SLC25A21: variants seen among roughly 807,000 people sequenced by gnomAD.
SLC25A21 encodes the protein solute carrier family 25 member 21.
In SLC25A21, 47 loss-of-function variants were observed where a neutral mutation model predicts 43.8. That is an observed-to-expected ratio of 1.07 (90% CI 0.85 to 1.37). SLC25A21 has a LOEUF of 1.37. SLC25A21 is among the 40% of genes most tolerant of loss of function. The probability of loss-of-function intolerance (pLI) is 0.00; values close to 1 mark genes in which losing one functional copy is unlikely to be tolerated. For synonymous variants in SLC25A21, 131 were observed against 121.3 expected (o/e 1.08, Z -0.52); for missense variants, 352 against 350.2 (o/e 1.00, Z -0.04).
At chr14:37,112,528 C>A (rs548536808) in intron 1 of SLC25A21, among the ~76,000 whole-genome samples, 1 of 152,310 alleles carries the variant, frequency 6.6e-6, no homozygotes, top group South Asian at 2.1e-4. Flanking sequence ...TTACTTCTTA[C>A]TTTTAGCTGG....
At chr14:37,101,165 C>T (rs142313455) in intron 1 of SLC25A21, among the ~76,000 whole-genome samples, 18 of 152,318 alleles carry the variant, frequency 1.2e-4, no homozygotes, top group African/African-American at 4.3e-4. Context: ...ATACAAAACA[C>T]AATTATTAGT....
intron 7 of SLC25A21, 44 bp from the exon 8 acceptor site, chr14:36,684,969 C>T (rs1336969142): frequency 1.3e-6 from 2 of 1,531,794 alleles, no homozygotes; most frequent in Non-Finnish European, 1.8e-6. Flanking sequence ...GGAGCGGAAG[C>T]CCCTAAATCA....
chr14:36,907,363 T>C (rs2138606746), intron 1 of SLC25A21, among the ~76,000 whole-genome samples: 1 of 152,288 alleles, frequency 6.6e-6, no homozygotes, highest in Non-Finnish European at 1.5e-5. Flanking sequence ...GTTGGTTGGT[T>C]GGTTTTGTTT....
intron 1 of SLC25A21, among the ~76,000 whole-genome samples, chr14:36,921,744 A>G (rs1042667449): frequency 1.3e-5 from 2 of 152,186 alleles, no homozygotes; most frequent in Non-Finnish European, 2.9e-5. Context: ...CTGGGATGTT[A>G]GTTTACACAA....
At chr14:37,000,619 C>G (rs543230456) in intron 1 of SLC25A21, among the ~76,000 whole-genome samples, 1 of 152,236 alleles carries the variant, frequency 6.6e-6, no homozygotes, top group Admixed American at 6.6e-5. Flanking sequence ...GAGAGATCTT[C>G]TGATGTGGTT....
intron 1 of SLC25A21, among the ~76,000 whole-genome samples, chr14:36,979,690 C>T (rs1959975247): frequency 6.6e-6 from 1 of 152,098 alleles, no homozygotes; most frequent in African/African-American, 2.4e-5. Context: ...CTTACACTGT[C>T]TAAATATAAA....
intron 1 of SLC25A21, among the ~76,000 whole-genome samples, chr14:36,989,274 G>C (rs1475438692): frequency 6.6e-6 from 1 of 152,096 alleles, no homozygotes; most frequent in Non-Finnish European, 1.5e-5. Context: ...AATGATCCAG[G>C]TGTAGATGAT....
chr14:36,987,895 G>T (rs1336431428), intron 1 of SLC25A21, among the ~76,000 whole-genome samples: 1 of 152,136 alleles, frequency 6.6e-6, no homozygotes, highest in East Asian at 1.9e-4. Context: ...CCTTACCATG[G>T]TTCTTTCATA....
At chr14:36,882,023 T>G (rs1890744495) in intron 1 of SLC25A21, among the ~76,000 whole-genome samples, 1 of 152,236 alleles carries the variant, frequency 6.6e-6, no homozygotes, top group African/African-American at 2.4e-5. Context: ...GTCAGTTGAC[T>G]GCTCCTTTCT....
chr14:36,906,324 C>A (rs1891532341), intron 1 of SLC25A21, among the ~76,000 whole-genome samples: 1 of 151,852 alleles, frequency 6.6e-6, no homozygotes, highest in South Asian at 2.1e-4. Context: ...AAATTTCCCC[C>A]AAATCAGAGA....
At chr14:36,902,995 A>T (rs756554247) in intron 1 of SLC25A21, among the ~76,000 whole-genome samples, 11 of 152,142 alleles carry the variant, frequency 7.2e-5, no homozygotes, top group Non-Finnish European at 1.3e-4. Flanking sequence ...AACAACAACA[A>T]CAACAAACCT....
chr14:36,819,452 C>T (rs1888556633), intron 2 of SLC25A21, among the ~76,000 whole-genome samples: 1 of 151,984 alleles, frequency 6.6e-6, no homozygotes, highest in Non-Finnish European at 1.5e-5. Flanking sequence ...ATTGTGTGCT[C>T]AGTGATATTC....
intron 3 of SLC25A21, among the ~76,000 whole-genome samples, chr14:36,791,021 T>G (rs973684996): frequency 2.0e-5 from 3 of 152,286 alleles, no homozygotes; most frequent in Non-Finnish European, 2.9e-5. Context: ...AGCAAGAAAT[T>G]TGTGAACATA....
intron 1 of SLC25A21, among the ~76,000 whole-genome samples, chr14:37,103,311 C>T (rs1183165269): frequency 6.6e-6 from 1 of 152,152 alleles, no homozygotes; most frequent in Admixed American, 6.5e-5. Context: ...GTTTCTGATG[C>T]CTGGCTTCCA....
chr14:36,695,029 T>G (rs1393937489), intron 7 of SLC25A21, among the ~76,000 whole-genome samples: 1 of 152,236 alleles, frequency 6.6e-6, no homozygotes, highest in Non-Finnish European at 1.5e-5. Context: ...TTCTAGGGTT[T>G]TTATGGTTTT....
At chr14:37,144,505 T>C (rs1963625665) in intron 1 of SLC25A21, among the ~76,000 whole-genome samples, 1 of 152,164 alleles carries the variant, frequency 6.6e-6, no homozygotes, top group South Asian at 2.1e-4. Flanking sequence ...TGTGGAATAT[T>C]GGAAAGGAAG....
intron 3 of SLC25A21, among the ~76,000 whole-genome samples, chr14:36,790,024 A>G (rs1285835688): frequency 6.9e-6 from 1 of 144,686 alleles, no homozygotes; most frequent in East Asian, 2.0e-4. Flanking sequence ...TCAGCTAAAT[A>G]GTTGATAAAA....
At chr14:36,883,987 G>A (rs1890839779) in intron 1 of SLC25A21, among the ~76,000 whole-genome samples, 1 of 152,074 alleles carries the variant, frequency 6.6e-6, no homozygotes, top group Non-Finnish European at 1.5e-5. Context: ...TTTGTAGTGA[G>A]AACATTTAAA....
intron 1 of SLC25A21, among the ~76,000 whole-genome samples, chr14:36,999,889 G>A (rs1960450454): frequency 1.3e-5 from 2 of 152,072 alleles, no homozygotes; most frequent in South Asian, 4.1e-4. Flanking sequence ...TCTTACCCTT[G>A]AATGAAAACT....
Sources: gnomAD v4.1 joint callset for allele counts (sites outside exome capture counted in the v4.1 genomes callset) on GRCh38, gnomAD v4.1.1 for gene constraint, MANE v1.5 for transcripts, NCBI Gene and HGNC (gene_info 2026-07-23, HGNC 2026-07-21) for gene names.